Variants in MXRA7 observed in about 807,000 individuals in gnomAD.
MXRA7 encodes matrix-remodeling-associated protein 7.
Under a neutral mutation model 17.4 loss-of-function variants are expected in MXRA7, and 18 were observed. The ratio of observed to expected loss-of-function variants is 1.03; its 90% confidence interval spans 0.71 to 1.53. MXRA7 has a LOEUF of 1.53. MXRA7 is among the 40% of genes most tolerant of loss of function. The pLI is 0.00. For missense variants in MXRA7, 141 were observed against 209.3 expected, an observed-to-expected ratio of 0.67 and a Z score of 2.01; for synonymous variants, 70 against 101.7, an observed-to-expected ratio of 0.69 and a Z score of 1.87.
chr17:76,673,760 A>C (rs1390960345), exon 4 of MXRA7: 1 of 152,116 alleles, frequency 6.6e-6, no homozygotes, highest in Non-Finnish European at 1.5e-5. Context: ...AGTTGATAGA[A>C]AATTTGTCCT....
intron 1 of MXRA7, among the ~76,000 whole-genome samples, chr17:76,708,472 G>A (rs1186985094): frequency 6.6e-6 from 1 of 152,180 alleles, no homozygotes; most frequent in Non-Finnish European, 1.5e-5. Context: ...CCTGATTTGA[G>A]TTATCTTCCC....
At chr17:76,694,900 G>T (rs2076517158) in intron 1 of MXRA7, among the ~76,000 whole-genome samples, 1 of 152,162 alleles carries the variant, frequency 6.6e-6, no homozygotes, top group Non-Finnish European at 1.5e-5. Flanking sequence ...CCGGGGGCCT[G>T]TAATCCCAGC....
downstream of MXRA7, among the ~76,000 whole-genome samples, chr17:76,678,889 T>C (rs1273022432): frequency 3.9e-5 from 6 of 152,144 alleles, no homozygotes; most frequent in Non-Finnish European, 7.3e-5. Flanking sequence ...GTAGTTGAAA[T>C]ACTGAAGTCC....
chr17:76,707,129 A>G (rs2076671311), intron 1 of MXRA7, among the ~76,000 whole-genome samples: 1 of 152,202 alleles, frequency 6.6e-6, no homozygotes, highest in Non-Finnish European at 1.5e-5. Flanking sequence ...AATTATCTCC[A>G]GTATGTCCTT....
chr17:76,695,643 G>C (rs1013577090), intron 1 of MXRA7, among the ~76,000 whole-genome samples: 38 of 152,176 alleles, frequency 2.5e-4, no homozygotes, highest in African/African-American at 9.2e-4. Flanking sequence ...AAGCCACGCT[G>C]GGTCCGAGAT....
At chr17:76,686,856 C>T (rs149783520) in intron 2 of MXRA7, among the ~76,000 whole-genome samples, 20 of 151,990 alleles carry the variant, frequency 1.3e-4, no homozygotes, top group Middle Eastern at 6.8e-3. Context: ...CCTTTCCCTG[C>T]CTTGCTAGAG....
At chr17:76,687,519 G>A (rs987019228) in intron 2 of MXRA7, among the ~76,000 whole-genome samples, 1 of 152,232 alleles carries the variant, frequency 6.6e-6, no homozygotes, top group Non-Finnish European at 1.5e-5. Flanking sequence ...CTTTTTTAGA[G>A]AAATAAGTGG....
chr17:76,703,124 T>C (rs1027676057), intron 1 of MXRA7, among the ~76,000 whole-genome samples: 19 of 151,644 alleles, frequency 1.3e-4, no homozygotes, highest in African/African-American at 4.6e-4. Flanking sequence ...AACAGCAAGA[T>C]TTATCTCAGA....
chr17:76,685,486 G>C (rs1289476226), intron 2 of MXRA7, among the ~76,000 whole-genome samples: 1 of 152,224 alleles, frequency 6.6e-6, no homozygotes, highest in Non-Finnish European at 1.5e-5. Flanking sequence ...GCTCAGAGGC[G>C]ACAACTCCGG....
downstream of MXRA7, chr17:76,677,751 G>A (rs1238727092): frequency 7.5e-7 from 1 of 1,337,112 alleles, no homozygotes; most frequent in Non-Finnish European, 1.1e-6. Context: ...TAGCCCACTG[G>A]GGAGAGAGGG....
exon 4 of MXRA7, chr17:76,673,609 A>G (rs2076218495): frequency 6.6e-6 from 1 of 152,216 alleles, no homozygotes; most frequent in Non-Finnish European, 1.5e-5. Flanking sequence ...TCAGGCTCTA[A>G]GTACAGGCAG....
chr17:76,699,961 T>C (rs2076572879), intron 1 of MXRA7, among the ~76,000 whole-genome samples: 2 of 152,204 alleles, frequency 1.3e-5, no homozygotes, highest in South Asian at 4.1e-4. Flanking sequence ...ATTATCATTT[T>C]TTATTTATTT....
At chr17:76,686,251 G>T (rs2076395577) in intron 2 of MXRA7, among the ~76,000 whole-genome samples, 1 of 152,222 alleles carries the variant, frequency 6.6e-6, no homozygotes, top group South Asian at 2.1e-4. Flanking sequence ...GGCCAAGGCA[G>T]GTGGATCACT....
downstream of MXRA7, chr17:76,676,079 G>A (rs2076238767): frequency 6.6e-6 from 1 of 152,210 alleles, no homozygotes; most frequent in Non-Finnish European, 1.5e-5. Flanking sequence ...CATGGTATGA[G>A]GACCAGTTAT....
At position 76,710,587 on chromosome 17, in the gene MXRA7, G is replaced by T; in HGVS notation, c.342+18C>A. Reference sequence around the variant, plus strand: ...GCCCCGGGGGTGGGGAGGGGGCCGCGAGGGCCCCGGTGCGTACCTGCCTCG... The same window carrying T: ...GCCCCGGGGGTGGGGAGGGGGCCGCTAGGGCCCCGGTGCGTACCTGCCTCG... On this transcript the variant is annotated intron_variant, in intron 1 of 3. Transcript: ENST00000449428. The T allele has an allele frequency of 7.7e-7, 1 of 1,300,100 alleles. No homozygotes were observed. The highest frequency in any genetic ancestry group is 2.0e-5 in the South Asian group (1 of 48,946). The allele number at this position is 1,300,100 out of a possible 1,614,324, so 80.5% of individuals were successfully genotyped here.
intron 1 of MXRA7, among the ~76,000 whole-genome samples, chr17:76,701,014 C>T (rs1049070387): frequency 2.0e-5 from 3 of 151,876 alleles, no homozygotes; most frequent in Non-Finnish European, 2.9e-5. Flanking sequence ...GAGCAGATGC[C>T]GAGTAGGCAG....
chr17:76,698,712 G>GTTT (rs3078394), intron 1 of MXRA7, among the ~76,000 whole-genome samples: 3 of 54,914 alleles, frequency 5.5e-5, no homozygotes, highest in African/African-American at 2.0e-4. Context: ...CTTCCTTTCT[G>GTTT]TTTTTTTTTT....
chr17:76,696,331 G>A (rs1238222173), intron 1 of MXRA7, among the ~76,000 whole-genome samples: 1 of 151,850 alleles, frequency 6.6e-6, no homozygotes, highest in East Asian at 1.9e-4. Context: ...ACCAACCTGG[G>A]CAATGAAGTG....
chr17:76,686,029 T>G (rs2076391375), intron 2 of MXRA7, among the ~76,000 whole-genome samples: 1 of 152,180 alleles, frequency 6.6e-6, no homozygotes, highest in Non-Finnish European at 1.5e-5. Context: ...AGTGCTGCCC[T>G]CTCTGTCCCT....
Sources: gnomAD v4.1 joint callset for allele counts (sites outside exome capture counted in the v4.1 genomes callset) on GRCh38, gnomAD v4.1.1 for gene constraint, MANE v1.5 for transcripts, NCBI Gene and HGNC (gene_info 2026-07-23, HGNC 2026-07-21) for gene names.